ALG9: variants seen among roughly 807,000 people sequenced by gnomAD.
The protein encoded by ALG9 is alpha-1,2-mannosyltransferase ALG9.
ALG9 carries 55 observed loss-of-function variants against 81.8 expected under a neutral mutation model. That is an observed-to-expected ratio of 0.67 (90% confidence interval 0.54 to 0.84). The LOEUF is 0.84. ALG9 is among the 40% of genes least tolerant of loss of function. The pLI, the probability that ALG9 is intolerant of heterozygous loss-of-function variation, is 0.00. For synonymous variants in ALG9, 278 were observed against 274.3 expected, an observed-to-expected ratio of 1.01 and a Z score of -0.13; for missense variants, 629 against 745.0, an observed-to-expected ratio of 0.84 and a Z score of 1.81.
intron 8 of ALG9, among the ~76,000 whole-genome samples, chr11:111,850,662 G>A (rs180852444): frequency 5.3e-4 from 72 of 135,172 alleles, no homozygotes; most frequent in African/African-American, 1.9e-3. Context: ...AGCAGAGATC[G>A]CACCACTGCA....
rs186105323 is a variant in ALG9, at chr11:111,810,727, G to T, written c.1603-954C>A. 1.3e-3 allele frequency among the ~76,000 whole-genome samples: 195 copies of T among 152,310 alleles called. 2 individuals carry two copies. The highest frequency in any genetic ancestry group is 4.5e-3 in the African/African-American group (188 of 41,564). ...GCCAAGATCATGCCACTGCATTCCA[G>T]CCTGGGCAAAAGAGAGACCTGCTTC... On this transcript the variant is annotated intron_variant, in intron 13 of 14. Coordinates refer to ENST00000616540, the MANE Select transcript of ALG9 (RefSeq NM_024740.2).
chr11:111,856,390 T>C (rs1555143155), intron 6 of ALG9, among the ~76,000 whole-genome samples: 1 of 151,612 alleles, frequency 6.6e-6, no homozygotes, highest in Non-Finnish European at 1.5e-5. Context: ...TCATGGAATG[T>C]TATGCAACCA....
Position 111,784,668 on chromosome 11 carries a change from A to C in ALG9, c.*1729T>G, listed in dbSNP as rs1366437257. The C allele has an allele frequency of 6.6e-6, 1 of 152,190 alleles. No individual in the cohort carries two copies. 9.4% of individuals were successfully genotyped at this position (152,190 alleles called of 1,614,324 possible). ...GGGAGGCAGAGGTTGCAGCGAGCCG[A>C]GATCGCGCCACTGCACTCCAGCATG... On this transcript the variant is annotated 3_prime_UTR_variant, in exon 15 of 15. Transcript: ENST00000616540.
chr11:111,840,696 G>C lies in ALG9; in HGVS notation c.1132C>G (p.Leu378Val). 1 of 1,614,032 alleles carries C rather than the reference G, an allele frequency of 6.2e-7. No individual in the cohort carries two copies. Among genetic ancestry groups the C allele is most frequent in the Non-Finnish European group, 8.5e-7 (1 of 1,179,992 alleles). Reference protein sequence around the residue: ...EERFLFPVYPLICLCGAVALS... With the variant: ...EERFLFPVYPVICLCGAVALS... ...GCCACAGCGCCACAGAGACATATAA[G>C]TGGATACACAGGGAAAAGAAATCTC... is the stretch of plus-strand genomic sequence containing the variant. The change falls in exon 10 of 15, where the codon CTT (leucine) becomes GTT (valine). Residue 378 changes from leucine (L) to valine (V), a missense_variant. Physicochemically the swap from Leu to Val is conservative, Grantham distance 32. Coordinates refer to ENST00000616540, the MANE Select transcript of ALG9 (RefSeq NM_024740.2).
chr11:111,856,483 G>A (rs1958706898), intron 6 of ALG9, among the ~76,000 whole-genome samples: 1 of 151,700 alleles, frequency 6.6e-6, no homozygotes, highest in Non-Finnish European at 1.5e-5. Context: ...ATGTAGATAG[G>A]TATGTATACA....
At chr11:111,827,825 C>T (rs1555109990) in intron 13 of ALG9, among the ~76,000 whole-genome samples, 1 of 150,504 alleles carries the variant, frequency 6.6e-6, no homozygotes, top group Non-Finnish European at 1.5e-5. Flanking sequence ...TGAGATTATG[C>T]CACTGCACTC....
chr11:111,826,781 C>T (rs1393957762), intron 13 of ALG9, among the ~76,000 whole-genome samples: 1 of 152,122 alleles, frequency 6.6e-6, no homozygotes, highest in Non-Finnish European at 1.5e-5. Flanking sequence ...TCACATGATT[C>T]CTTTGGCAAT....
chr11:111,857,999 TG>T (rs1311178586), intron 5 of ALG9: 1 of 402,380 alleles, frequency 2.5e-6, no homozygotes, highest in East Asian at 6.0e-5. Flanking sequence ...AGTGCAGTGG[TG>T]GGATCTCAGC....
At chr11:111,773,341 T>A in the ALG9 span, among the ~76,000 whole-genome samples, 2 of 152,012 alleles carry the variant, frequency 1.3e-5, no homozygotes, top group African/African-American at 4.8e-5. Flanking sequence ...ACCTCCCGGG[T>A]CCAAGTGATT....
At chr11:111,846,086 T>C (rs781855378) in intron 8 of ALG9, among the ~76,000 whole-genome samples, 5 of 152,248 alleles carry the variant, frequency 3.3e-5, no homozygotes, top group South Asian at 2.1e-4. Context: ...AACTAACGGA[T>C]GGTTTTATTT....
intron 10 of ALG9, among the ~76,000 whole-genome samples, chr11:111,839,857 C>G (rs1555121902): frequency 6.6e-6 from 1 of 152,052 alleles, no homozygotes; most frequent in African/African-American, 2.4e-5. Context: ...GACCACATAT[C>G]ATATGTTTCC....
intron 4 of ALG9, among the ~76,000 whole-genome samples, chr11:111,863,965 C>T (rs956631297): frequency 6.6e-6 from 1 of 151,982 alleles, no homozygotes; most frequent in African/African-American, 2.4e-5. Flanking sequence ...GGAAAGAAAA[C>T]GATAATTAGA....
intron 5 of ALG9, 149 bp from the exon 6 acceptor site, chr11:111,857,886 G>T: frequency 1.2e-6 from 1 of 865,388 alleles, no homozygotes; most frequent in Admixed American, 2.3e-5. Context: ...AGAAAGGACA[G>T]CAAAGTGATA....
chr11:111,810,826 A>G (rs1555090642), intron 13 of ALG9, among the ~76,000 whole-genome samples: 3 of 152,236 alleles, frequency 2.0e-5, no homozygotes, highest in Non-Finnish European at 4.4e-5. Flanking sequence ...TAAAATAAAG[A>G]CTATTTGAAA....
chr11:111,805,037 C>A, intron 14 of ALG9: 1 of 275,332 alleles, frequency 3.6e-6, no homozygotes, highest in Non-Finnish European at 7.2e-6. Context: ...TTAATAATTG[C>A]TGTTATGGGC....
chr11:111,842,158 A>G (rs1956309734), intron 9 of ALG9, among the ~76,000 whole-genome samples: 1 of 152,174 alleles, frequency 6.6e-6, no homozygotes, highest in Non-Finnish European at 1.5e-5. Flanking sequence ...CGGCCTCTCA[A>G]AGTGCTGGGA....
In ALG9 at chr11:111,857,660, C is replaced by T; in HGVS notation, c.643G>A (p.Ala215Thr). The change falls in exon 6 of 15, where the codon GCT (alanine) becomes ACT (threonine). Residue 215 changes from alanine to threonine, a missense_variant. Coordinates refer to ENST00000616540, the MANE Select transcript of ALG9 (RefSeq NM_024740.2). ...GCCCCAGCTGCTACTCCCAGCACAGCAATGGAAGTCTTGTCCATATACCAT... is the reference window on the plus strand; with the variant it reads ...GCCCCAGCTGCTACTCCCAGCACAGTAATGGAAGTCTTGTCCATATACCAT... ...TGWYMDKTSI[A>T]VLGVAAGAIL... The T allele has an allele frequency of 6.2e-7, 1 of 1,614,168 alleles. No homozygotes were observed. Among genetic ancestry groups the T allele is most frequent in the Non-Finnish European group, 8.5e-7 (1 of 1,180,030 alleles).
rs74537249 is a variant in ALG9 at position 111,833,968 on chromosome 11, C to A, written c.1602+2197G>T. ...TCTCTCAACATCATTACCACAATGA[C>A]GATGAATATTCATTATCCACTGAGA... On this transcript the variant is annotated intron_variant, in intron 13 of 14. Coordinates refer to ENST00000616540, the MANE Select transcript of ALG9 (RefSeq NM_024740.2). Among the ~76,000 whole-genome samples the A allele has an allele frequency of 1.8e-3, 272 of 152,296 alleles. 2 individuals are homozygous for A. Among genetic ancestry groups the A allele is most frequent in the African/African-American group, 6.1e-3 (255 of 41,558 alleles).
intron 6 of ALG9, among the ~76,000 whole-genome samples, chr11:111,855,371 T>A (rs1187388084): frequency 6.6e-6 from 1 of 152,202 alleles, no homozygotes; most frequent in Non-Finnish European, 1.5e-5. Flanking sequence ...CAACCACATC[T>A]GCATTTGAGG....
Sources: gnomAD v4.1 joint callset for allele counts (sites outside exome capture counted in the v4.1 genomes callset) on GRCh38, gnomAD v4.1.1 for gene constraint, MANE v1.5 for transcripts, NCBI Gene and HGNC (gene_info 2026-07-23, HGNC 2026-07-21) for gene names.